ADGRB3: variants seen among roughly 807,000 people sequenced by gnomAD.
The protein encoded by ADGRB3 is adhesion G protein-coupled receptor B3, also known as brain-specific angiogenesis inhibitor 3.
ADGRB3 carries 37 observed loss-of-function variants against 193.4 expected under a neutral mutation model. The ratio of observed to expected loss-of-function variants is 0.19; its 90% CI spans 0.15 to 0.25. The LOEUF is 0.25. ADGRB3 is among the 10% of genes least tolerant of loss of function. The pLI, the probability that ADGRB3 is intolerant of heterozygous loss-of-function variation, is 1.00. For missense variants in ADGRB3, 1,637 were observed against 1,852.9 expected (o/e 0.88, Z 2.14); for synonymous variants, 690 against 644.2 (o/e 1.07, Z -1.08).
At chr6:69,268,271 TCC>T (rs1362613849) in intron 20 of ADGRB3, among the ~76,000 whole-genome samples, 1 of 152,150 alleles carries the variant, frequency 6.6e-6, no homozygotes, top group African/African-American at 2.4e-5. Flanking sequence ...AATTTTGAAA[TCC>T]AAGTTAATAA....
intron 3 of ADGRB3, among the ~76,000 whole-genome samples, chr6:68,814,287 T>A (rs540605718): frequency 1.3e-5 from 2 of 152,348 alleles, no homozygotes; most frequent in Admixed American, 1.3e-4. Context: ...TGCTTTTGAT[T>A]TGCATTTCTC....
intron 3 of ADGRB3, among the ~76,000 whole-genome samples, chr6:68,645,200 A>G (rs933943089): frequency 6.6e-6 from 1 of 152,144 alleles, no homozygotes; most frequent in Admixed American, 6.5e-5. Context: ...ATTGGGTTTT[A>G]AGATCATGAA....
chr6:69,160,197 A>G (rs1011852246), intron 17 of ADGRB3, among the ~76,000 whole-genome samples: 3 of 152,086 alleles, frequency 2.0e-5, no homozygotes, highest in Admixed American at 6.6e-5. Context: ...AAATTAAACC[A>G]TGTCATTTTC....
intron 3 of ADGRB3, among the ~76,000 whole-genome samples, chr6:68,883,431 A>G (rs940305562): frequency 6.6e-6 from 1 of 152,158 alleles, no homozygotes; most frequent in Non-Finnish European, 1.5e-5. Context: ...GTCTCCTTCC[A>G]CGTTGTAGGA....
At chr6:69,092,196 G>T (rs1340063622) in intron 17 of ADGRB3, among the ~76,000 whole-genome samples, 1 of 152,094 alleles carries the variant, frequency 6.6e-6, no homozygotes, top group Non-Finnish European at 1.5e-5. Flanking sequence ...ATCTTCACAG[G>T]CTTGAGTCAT....
chr6:69,051,742 C>T (rs1413700377), intron 15 of ADGRB3, among the ~76,000 whole-genome samples: 1 of 150,768 alleles, frequency 6.6e-6, no homozygotes, highest in Non-Finnish European at 1.5e-5. Context: ...TCTTAATGAA[C>T]AAGGGTGATT....
chr6:69,128,356 AAAT>A (rs1304214645), intron 17 of ADGRB3, among the ~76,000 whole-genome samples: 5 of 152,162 alleles, frequency 3.3e-5, no homozygotes, highest in Non-Finnish European at 7.4e-5. Context: ...TCATTTCTTA[AAAT>A]GTAAAGCCTC....
At chr6:69,093,384 C>G (rs1772772178) in intron 17 of ADGRB3, among the ~76,000 whole-genome samples, 2 of 151,366 alleles carry the variant, frequency 1.3e-5, no homozygotes, top group South Asian at 4.2e-4. Context: ...ATCTTAGATT[C>G]AGGAGAGTCA....
At chr6:69,327,692 T>C (rs1016622036) in intron 21 of ADGRB3, 128 bp from the exon 22 acceptor site, 20 of 600,114 alleles carry the variant, frequency 3.3e-5, no homozygotes, top group Non-Finnish European at 4.1e-5. Context: ...GAAACATACC[T>C]TGTGAAGTGA....
At chr6:69,086,070 G>T (rs10945151) in intron 17 of ADGRB3, among the ~76,000 whole-genome samples, 48,369 of 151,640 alleles carry the variant, frequency 0.32, 9,402 homozygotes, top group East Asian at 0.86. Flanking sequence ...TGTAAATCAA[G>T]CAATAATATT....
At chr6:69,366,376 T>G (rs996822589) in intron 29 of ADGRB3, among the ~76,000 whole-genome samples, 1 of 152,130 alleles carries the variant, frequency 6.6e-6, no homozygotes, top group Non-Finnish European at 1.5e-5. Flanking sequence ...TAATAGAAAT[T>G]TTAATGGCAT....
chr6:69,340,574 C>G (rs1768953171), intron 26 of ADGRB3, among the ~76,000 whole-genome samples: 1 of 152,112 alleles, frequency 6.6e-6, no homozygotes, highest in South Asian at 2.1e-4. Flanking sequence ...GAGGCTTTTA[C>G]CTGATTTATC....
chr6:69,270,778 T>C (rs1767157821), intron 20 of ADGRB3, among the ~76,000 whole-genome samples: 1 of 152,228 alleles, frequency 6.6e-6, no homozygotes, highest in Admixed American at 6.5e-5. Context: ...CCCAGGTTCA[T>C]TTAATACAAC....
At chr6:69,176,314 G>A (rs946873366) in intron 17 of ADGRB3, among the ~76,000 whole-genome samples, 1 of 152,092 alleles carries the variant, frequency 6.6e-6, no homozygotes, top group East Asian at 1.9e-4. Context: ...ATGTTCCTAT[G>A]ATGTCTAGTT....
chr6:69,240,804 G>A (rs892994498), intron 20 of ADGRB3, among the ~76,000 whole-genome samples: 1 of 151,840 alleles, frequency 6.6e-6, no homozygotes, highest in Admixed American at 6.6e-5. Flanking sequence ...TCTTAGAAAT[G>A]TTCATACACT....
At chr6:69,332,431 A>G in intron 23 of ADGRB3, 1 of 985,420 alleles carries the variant, frequency 1.0e-6, no homozygotes, top group Middle Eastern at 5.2e-4. Context: ...CACAGAAAAG[A>G]ATAACCACAC....
chr6:69,238,094 G>GGA (rs1766308280), intron 19 of ADGRB3, among the ~76,000 whole-genome samples: 1 of 151,914 alleles, frequency 6.6e-6, no homozygotes, highest in Non-Finnish European at 1.5e-5. Flanking sequence ...TCAAAGACAG[G>GGA]GAGAGAGAGA....
intron 13 of ADGRB3, among the ~76,000 whole-genome samples, chr6:69,046,963 T>C (rs1771254346): frequency 6.6e-6 from 1 of 152,186 alleles, no homozygotes; most frequent in South Asian, 2.1e-4. Context: ...GTTCACACCA[T>C]TCTTCTGCCT....
At position 69,122,003 on chromosome 6, in the gene ADGRB3, C is replaced by T. The variant is rs528099241; in HGVS notation, c.2480+45965C>T. ...GGCCAGGCAGAGATGCTCCTCACTT[C>T]CCAGACAGGGTGGCAGCCAGGCAGA... On this transcript the variant is annotated intron_variant, in intron 17 of 31. Coordinates refer to ENST00000370598, the MANE Select transcript of ADGRB3 (RefSeq NM_001704.3). Among the ~76,000 whole-genome samples, 13 of 28,902 alleles carry T rather than the reference C, an allele frequency of 4.5e-4. No individual in the cohort carries two copies. The Admixed American group carries it at 5.9e-3, about 13-fold the overall frequency. The allele number at this position is 28,902 out of a possible 152,430, so 19.0% of individuals were successfully genotyped here. A position where few individuals can be genotyped will look rare whatever the true frequency, so the allele number is the denominator to read the frequency against.
Sources: gnomAD v4.1 joint callset for allele counts (sites outside exome capture counted in the v4.1 genomes callset) on GRCh38, gnomAD v4.1.1 for gene constraint, MANE v1.5 for transcripts, NCBI Gene and HGNC (gene_info 2026-07-23, HGNC 2026-07-21) for gene names.